Variants in FILIP1 observed in about 807,000 individuals in gnomAD.
FILIP1 encodes filamin-A-interacting protein 1.
FILIP1 carries 61 observed loss-of-function variants against 102.1 expected under a neutral mutation model. That is an observed-to-expected ratio of 0.60 (90% CI 0.49 to 0.74). The LOEUF is 0.74. Ranked by LOEUF, FILIP1 falls within the 30% of genes least tolerant of loss-of-function variation. The pLI, the probability that FILIP1 is intolerant of heterozygous loss-of-function variation, is 0.00. For synonymous variants in FILIP1, 491 were observed against 526.9 expected (o/e 0.93, Z 0.93); for missense variants, 1,314 against 1,441.2 (o/e 0.91, Z 1.43).
chr6:75,343,205 C>T (rs764125346), intron 4 of FILIP1, among the ~76,000 whole-genome samples: 2 of 152,192 alleles, frequency 1.3e-5, no homozygotes, highest in Non-Finnish European at 2.9e-5. Context: ...TACAAGGCAA[C>T]AGAAGAGGTC....
chr6:75,485,048 CTT>C (rs1173919474), intron 1 of FILIP1, among the ~76,000 whole-genome samples: 10 of 151,966 alleles, frequency 6.6e-5, no homozygotes, highest in Non-Finnish European at 1.0e-4. Flanking sequence ...CACAAATACT[CTT>C]TTTCTGGGTG....
intron 1 of FILIP1, among the ~76,000 whole-genome samples, chr6:75,453,647 C>T (rs1452507152): frequency 6.6e-6 from 1 of 152,056 alleles, no homozygotes; most frequent in African/African-American, 2.4e-5. Flanking sequence ...CCCATCTCTA[C>T]AAAAAATTTA....
intron 2 of FILIP1, chr6:75,398,206 T>C (rs1776531363): frequency 6.6e-6 from 1 of 152,222 alleles, no homozygotes; most frequent in South Asian, 2.1e-4. Flanking sequence ...CTTTCTCTCT[T>C]AAATACAGAG....
chr6:75,362,652 T>A, intron 3 of FILIP1, 92 bp downstream of exon 3: 1 of 1,337,766 alleles, frequency 7.5e-7, no homozygotes, highest in Middle Eastern at 2.6e-4. Context: ...ATTTTGCCTT[T>A]GAAAGAAAAT....
At chr6:75,294,993 C>A (rs1772634349) in exon 7 of FILIP1, 1 of 151,454 alleles carries the variant, frequency 6.6e-6, no homozygotes, top group Admixed American at 6.6e-5. Flanking sequence ...GCACGACCCA[C>A]CATGCCCAGT....
chr6:75,325,738 A>AAT (rs1773825839), intron 4 of FILIP1, among the ~76,000 whole-genome samples: 1 of 152,132 alleles, frequency 6.6e-6, no homozygotes, highest in Admixed American at 6.5e-5. Context: ...AAATAAAAAA[A>AAT]AATAGATGTT....
chr6:75,363,928 A>C (rs1775245885), intron 2 of FILIP1, among the ~76,000 whole-genome samples: 1 of 152,206 alleles, frequency 6.6e-6, no homozygotes, highest in Non-Finnish European at 1.5e-5. Flanking sequence ...TGGGACTGAA[A>C]TTATAAACCT....
chr6:75,365,127 G>A (rs1582399737), intron 2 of FILIP1, among the ~76,000 whole-genome samples: 1 of 152,024 alleles, frequency 6.6e-6, no homozygotes, highest in African/African-American at 2.4e-5. Flanking sequence ...CATTTTCTAA[G>A]GTTCATTTTT....
intron 3 of FILIP1, chr6:75,358,201 A>G (rs765909272): frequency 2.0e-5 from 3 of 152,166 alleles, no homozygotes; most frequent in Non-Finnish European, 4.4e-5. Context: ...ATGATTCAGG[A>G]AGTGTTTTTA....
At chr6:75,338,366 C>G (rs1774310579) in intron 4 of FILIP1, among the ~76,000 whole-genome samples, 1 of 152,288 alleles carries the variant, frequency 6.6e-6, no homozygotes, top group South Asian at 2.1e-4. Context: ...CTTTTCTGCT[C>G]AAACTTTTCA....
intron 2 of FILIP1, among the ~76,000 whole-genome samples, chr6:75,369,635 T>A (rs921482611): frequency 2.6e-5 from 4 of 152,320 alleles, no homozygotes; most frequent in Admixed American, 1.3e-4. Context: ...TATGCTCCTA[T>A]GACAGAGCTT....
intron 1 of FILIP1, among the ~76,000 whole-genome samples, chr6:75,463,474 T>C (rs933612752): frequency 7.9e-5 from 12 of 152,310 alleles, no homozygotes; most frequent in Non-Finnish European, 1.3e-4. Context: ...TACATAAATA[T>C]CCAGTTTTGG....
intron 1 of FILIP1, among the ~76,000 whole-genome samples, chr6:75,473,199 A>C (rs1320585652): frequency 9.2e-5 from 14 of 152,184 alleles, no homozygotes. Flanking sequence ...TGATACCTCA[A>C]AGTGCTTATT....
rs1460512895 is a variant in FILIP1, at chr6:75,372,785, AGAAAGAAAGAAG to A, written c.277-9880_277-9869del. Among the ~76,000 whole-genome samples the A allele has an allele frequency of 3.2e-3, 252 of 78,360 alleles. 51 individuals carry two copies. The highest frequency in any genetic ancestry group is 0.012 in the African/African-American group (225 of 18,164). 51.4% of individuals were successfully genotyped at this position (78,360 alleles called of 152,430 possible). ...AAGAAAGAAAGAAAGAAAGAAAGAA[AGAAAGAAAGAAG>A]GAAAGAAAGAAAGAAAAGAGTTGGT... is the stretch of plus-strand genomic sequence containing the variant. On this transcript the variant is annotated intron_variant, in intron 2 of 5. Transcript: ENST00000237172.
intron 5 of FILIP1, among the ~76,000 whole-genome samples, chr6:75,311,205 C>T (rs1051250604): frequency 5.3e-5 from 8 of 152,074 alleles, no homozygotes; most frequent in African/African-American, 1.9e-4. Flanking sequence ...TTTTTTGAGA[C>T]ACGGTCTCAC....
chr6:75,461,597 A>C (rs917701019), intron 1 of FILIP1, among the ~76,000 whole-genome samples: 2 of 152,226 alleles, frequency 1.3e-5, no homozygotes, highest in African/African-American at 4.8e-5. Context: ...TTCCCTCAGG[A>C]AACCTGCAGT....
chr6:75,330,219 C>A (rs563164609), intron 4 of FILIP1, among the ~76,000 whole-genome samples: 10 of 152,246 alleles, frequency 6.6e-5, no homozygotes, highest in African/African-American at 2.4e-4. Context: ...AAATTTTGCA[C>A]CCAAGGTGAG....
chr6:75,460,342 A>G (rs1778982603), intron 1 of FILIP1, among the ~76,000 whole-genome samples: 1 of 152,228 alleles, frequency 6.6e-6, no homozygotes, highest in Non-Finnish European at 1.5e-5. Context: ...CCTTTCTGCC[A>G]TTCTAAAGGT....
intron 1 of FILIP1, among the ~76,000 whole-genome samples, chr6:75,418,086 T>C (rs1322200770): frequency 6.6e-6 from 1 of 152,170 alleles, no homozygotes; most frequent in East Asian, 1.9e-4. Flanking sequence ...TAATCTCAGC[T>C]ACTAGGAAGA....
Sources: gnomAD v4.1 joint callset for allele counts (sites outside exome capture counted in the v4.1 genomes callset) on GRCh38, gnomAD v4.1.1 for gene constraint, MANE v1.5 for transcripts, NCBI Gene and HGNC (gene_info 2026-07-23, HGNC 2026-07-21) for gene names.